Variants in INSYN2B observed in about 807,000 individuals in gnomAD.
The protein encoded by INSYN2B is inhibitory synaptic factor family member 2B, also known as protein INSYN2B.
A neutral mutation model predicts 41.2 loss-of-function variants in INSYN2B; 16 were observed. That is an observed-to-expected ratio of 0.39 (90% confidence interval 0.26 to 0.59). The LOEUF (loss-of-function observed/expected upper bound fraction) is 0.59, where lower values mean the gene tolerates loss of function less well. Ranked by LOEUF, INSYN2B falls within the 20% of genes least tolerant of loss-of-function variation. The pLI, the probability that INSYN2B is intolerant of heterozygous loss-of-function variation, is 0.57. For missense variants in INSYN2B, 608 were observed against 646.4 expected, an observed-to-expected ratio of 0.94 and a Z score of 0.64; for synonymous variants, 245 against 244.4, an observed-to-expected ratio of 1.00 and a Z score of -0.02.
At chr5:169,960,890 A>G (rs1777058589) in intron 1 of INSYN2B, among the ~76,000 whole-genome samples, 1 of 152,228 alleles carries the variant, frequency 6.6e-6, no homozygotes, top group South Asian at 2.1e-4. Flanking sequence ...CTGTACAGGT[A>G]TGCATGCATA....
intron 1 of INSYN2B, among the ~76,000 whole-genome samples, chr5:169,959,385 A>T (rs1226581069): frequency 6.6e-6 from 1 of 151,714 alleles, no homozygotes; most frequent in Non-Finnish European, 1.5e-5. Flanking sequence ...AAAAAAAAAA[A>T]GGAACAAACT....
At chr5:169,895,308 C>A (rs1481254500) in intron 1 of INSYN2B, among the ~76,000 whole-genome samples, 1 of 152,116 alleles carries the variant, frequency 6.6e-6, no homozygotes, top group African/African-American at 2.4e-5. Flanking sequence ...CCTTCCCTCT[C>A]TTGTTTCTTG....
At chr5:169,955,448 C>T (rs556486349) in intron 1 of INSYN2B, among the ~76,000 whole-genome samples, 3 of 152,238 alleles carry the variant, frequency 2.0e-5, no homozygotes, top group South Asian at 2.1e-4. Flanking sequence ...CTGGACAGTA[C>T]GTGCTGTCAC....
intron 1 of INSYN2B, among the ~76,000 whole-genome samples, chr5:169,897,674 T>G (rs775422220): frequency 1.3e-5 from 2 of 152,166 alleles, no homozygotes; most frequent in Non-Finnish European, 2.9e-5. Flanking sequence ...AGAAGTTCCC[T>G]CAAACTCAAG....
At chr5:169,940,272 C>G (rs983404310) in intron 1 of INSYN2B, among the ~76,000 whole-genome samples, 1 of 152,306 alleles carries the variant, frequency 6.6e-6, no homozygotes. Flanking sequence ...TCTGATCACT[C>G]TCAACCAGGG....
At chr5:169,924,601 A>G (rs1775339634) in intron 1 of INSYN2B, among the ~76,000 whole-genome samples, 1 of 152,198 alleles carries the variant, frequency 6.6e-6, no homozygotes, top group Non-Finnish European at 1.5e-5. Flanking sequence ...CTATTCAATC[A>G]TGCTGAAGTT....
At chr5:169,955,950 G>C (rs1001377141) in intron 1 of INSYN2B, among the ~76,000 whole-genome samples, 1 of 152,036 alleles carries the variant, frequency 6.6e-6, no homozygotes, top group African/African-American at 2.4e-5. Context: ...ATGTGCCTAA[G>C]CCTGGGTCAT....
At chr5:169,958,556 C>A (rs1776956505) in intron 1 of INSYN2B, among the ~76,000 whole-genome samples, 1 of 148,918 alleles carries the variant, frequency 6.7e-6, no homozygotes, top group Admixed American at 6.7e-5. Context: ...AAATAGAGGA[C>A]AAAAGGGGTG....
chr5:169,937,407 T>G (rs967603500), intron 1 of INSYN2B, among the ~76,000 whole-genome samples: 2 of 152,190 alleles, frequency 1.3e-5, no homozygotes, highest in Non-Finnish European at 2.9e-5. Flanking sequence ...TTTTCTTAAG[T>G]GTAAAATAGG....
chr5:169,939,898 T>G (rs1199299695), intron 1 of INSYN2B, among the ~76,000 whole-genome samples: 1 of 152,094 alleles, frequency 6.6e-6, no homozygotes, highest in Non-Finnish European at 1.5e-5. Flanking sequence ...ACCACAAGAG[T>G]TGATCATTTC....
intron 1 of INSYN2B, among the ~76,000 whole-genome samples, chr5:169,885,574 C>A (rs1772926445): frequency 6.6e-6 from 1 of 152,198 alleles, no homozygotes; most frequent in African/African-American, 2.4e-5. Context: ...CTCTGAGGAA[C>A]AACTACCTCA....
intron 1 of INSYN2B, among the ~76,000 whole-genome samples, chr5:169,920,599 T>A (rs1466340699): frequency 6.6e-6 from 1 of 152,192 alleles, no homozygotes; most frequent in Non-Finnish European, 1.5e-5. Flanking sequence ...AAAGAGGGCA[T>A]GGCTGTAACT....
chr5:169,905,334 A>G (rs1445852959), intron 1 of INSYN2B, among the ~76,000 whole-genome samples: 3 of 151,942 alleles, frequency 2.0e-5, no homozygotes, highest in South Asian at 2.1e-4. Flanking sequence ...TCTGTGTTAA[A>G]TATCCCAACT....
Position 169,960,918 on chromosome 5 carries a change from A to G in INSYN2B, c.-919+19359T>C, listed in dbSNP as rs151099247. On this transcript the variant is annotated intron_variant, in intron 1 of 3. Coordinates refer to ENST00000377365, the MANE Select transcript of INSYN2B (RefSeq NM_001129891.3). ...CATGCATAGGAAAAAATCATAGTAT[A>G]TATAGGGTTCAGTATAGGCTATGAA... Among the ~76,000 whole-genome samples the G allele has an allele frequency of 1.5e-3, 232 of 152,334 alleles. 2 individuals are homozygous for G. The highest frequency in any genetic ancestry group is 5.4e-3 in the African/African-American group (223 of 41,570).
chr5:169,864,141 T>C lies in INSYN2B; in HGVS notation c.*132A>G. The C allele has an allele frequency of 2.5e-6, 2 of 792,926 alleles. No homozygotes were observed. The highest frequency in any genetic ancestry group is 4.0e-6 in the Non-Finnish European group (2 of 498,082). The allele number at this position is 792,926 out of a possible 1,614,324, so 49.1% of individuals were successfully genotyped here. On this transcript the variant is annotated 3_prime_UTR_variant, in exon 4 of 4. Coordinates refer to ENST00000377365, the MANE Select transcript of INSYN2B (RefSeq NM_001129891.3). The stretch of plus-strand genomic sequence containing the variant: ...AGCGGCTACATCAGCTCCAAGGCTC[T>C]TCTGTTTCACAGGCCAAGGGGCTCA...
rs9313475 is a variant in INSYN2B at position 169,861,421 on chromosome 5, G to A, written c.*2852C>T. 2.4e-3 allele frequency among the ~76,000 whole-genome samples: 359 copies of A among 152,312 alleles called. 3 individuals are homozygous for A. The highest frequency in any genetic ancestry group is 8.3e-3 in the African/African-American group (346 of 41,572). ...TAAGAAGGTGCTCTATAGATGAGCT[G>A]GTATTAAGTTCCAAGGATAGTGAGT... is the stretch of plus-strand genomic sequence containing the variant. On this transcript the variant is annotated 3_prime_UTR_variant, in exon 4 of 4. Transcript: ENST00000377365.
At chr5:169,908,754 G>T (rs1314954545) in intron 1 of INSYN2B, among the ~76,000 whole-genome samples, 3 of 125,458 alleles carry the variant, frequency 2.4e-5, no homozygotes, top group Admixed American at 1.0e-4. Flanking sequence ...TCACTCTGTC[G>T]CCCAGGATAG....
intron 1 of INSYN2B, among the ~76,000 whole-genome samples, chr5:169,949,700 C>G (rs370082537): frequency 1.4e-5 from 1 of 69,066 alleles, no homozygotes; most frequent in Non-Finnish European, 2.8e-5. Flanking sequence ...AAATAAATTA[C>G]AGAGATCAAA....
intron 3 of INSYN2B, among the ~76,000 whole-genome samples, chr5:169,873,407 A>G (rs1772111369): frequency 6.6e-6 from 1 of 152,238 alleles, no homozygotes; most frequent in Non-Finnish European, 1.5e-5. Flanking sequence ...GGGCATTGCT[A>G]TGACGTTCAC....
Sources: gnomAD v4.1 joint callset for allele counts (sites outside exome capture counted in the v4.1 genomes callset) on GRCh38, gnomAD v4.1.1 for gene constraint, MANE v1.5 for transcripts, NCBI Gene and HGNC (gene_info 2026-07-23, HGNC 2026-07-21) for gene names.